The following MAP4K3 variants were observed in gnomAD, a reference collection of about 807,000 sequenced individuals.
MAP4K3 encodes the protein mitogen-activated protein kinase kinase kinase kinase 3, also known as MAPK/ERK kinase kinase kinase 3.
A neutral mutation model predicts 143.5 loss-of-function variants in MAP4K3; 94 were observed. That is an observed-to-expected ratio of 0.65 (90% CI 0.55 to 0.78). The LOEUF (loss-of-function observed/expected upper bound fraction) is 0.78, where lower values mean the gene tolerates loss of function less well. Ranked by LOEUF, MAP4K3 falls within the 30% of genes least tolerant of loss-of-function variation. The pLI is 0.00. For synonymous variants in MAP4K3, 416 were observed against 347.2 expected, an observed-to-expected ratio of 1.20 and a Z score of -2.20; for missense variants, 1,077 against 1,068.1, an observed-to-expected ratio of 1.01 and a Z score of -0.12.
intron 1 of MAP4K3, among the ~76,000 whole-genome samples, chr2:39,397,610 G>A (rs1358297261): frequency 6.6e-6 from 1 of 152,086 alleles, no homozygotes; most frequent in Non-Finnish European, 1.5e-5. Context: ...GAACTAGAAA[G>A]GCTGATTCTA....
rs888545294 is a variant in MAP4K3, at chr2:39,250,413, T to A, written c.*205A>T. The A allele has an allele frequency of 5.8e-5, 29 of 503,304 alleles. No homozygotes were observed. Among genetic ancestry groups the A allele is most frequent in the Non-Finnish European group, 1.8e-5 (5 of 283,052 alleles). 31.2% of individuals were successfully genotyped at this position (503,304 alleles called of 1,614,324 possible). A position where few individuals can be genotyped will look rare whatever the true frequency, so the allele number is the denominator to read the frequency against. Reference sequence around the variant, plus strand: ...TATATGTACAAAGATTACATAACAATGAATTAAGCACTTGTGTGGTTCAAT... The same window carrying A: ...TATATGTACAAAGATTACATAACAAAGAATTAAGCACTTGTGTGGTTCAAT... On this transcript the variant is annotated 3_prime_UTR_variant, in exon 34 of 34. Coordinates refer to ENST00000263881, the MANE Select transcript of MAP4K3 (RefSeq NM_003618.4).
At chr2:39,418,155 G>A (rs1175304353) in intron 1 of MAP4K3, among the ~76,000 whole-genome samples, 1 of 148,084 alleles carries the variant, frequency 6.8e-6, no homozygotes, top group East Asian at 2.0e-4. Flanking sequence ...AGTGAGCAGA[G>A]ACTGCACCAC....
chr2:39,408,808 A>G (rs1667162476), intron 1 of MAP4K3, among the ~76,000 whole-genome samples: 1 of 152,166 alleles, frequency 6.6e-6, no homozygotes, highest in Admixed American at 6.5e-5. Flanking sequence ...GAAGACAAAG[A>G]AGAAGCAGTG....
intron 12 of MAP4K3, among the ~76,000 whole-genome samples, chr2:39,322,876 G>C (rs929571232): frequency 6.6e-6 from 1 of 151,964 alleles, no homozygotes; most frequent in Non-Finnish European, 1.5e-5. Flanking sequence ...CACCATGTTA[G>C]CCAAGCTGGT....
chr2:39,352,972 AC>A (rs1665501857), intron 3 of MAP4K3, among the ~76,000 whole-genome samples: 1 of 152,204 alleles, frequency 6.6e-6, no homozygotes, highest in South Asian at 2.1e-4. Flanking sequence ...TCAAGTTCAA[AC>A]AAGATCCTCC....
intron 1 of MAP4K3, among the ~76,000 whole-genome samples, chr2:39,415,801 A>G (rs944740173): frequency 6.7e-6 from 1 of 150,176 alleles, no homozygotes; most frequent in African/African-American, 2.5e-5. Context: ...AAAATACAAA[A>G]TATTAGCCAG....
At chr2:39,288,598 T>C (rs1192714143) in intron 19 of MAP4K3, among the ~76,000 whole-genome samples, 1 of 152,154 alleles carries the variant, frequency 6.6e-6, no homozygotes, top group Non-Finnish European at 1.5e-5. Context: ...GTCTTTCTTA[T>C]CTCCTTCAAT....
chr2:39,267,637 C>T (rs1680820675), intron 26 of MAP4K3, among the ~76,000 whole-genome samples: 2 of 147,958 alleles, frequency 1.4e-5, no homozygotes, highest in African/African-American at 5.0e-5. Flanking sequence ...CACACCATTG[C>T]ACTCCAGCCT....
At chr2:39,427,775 T>C (rs532455552) in intron 1 of MAP4K3, among the ~76,000 whole-genome samples, 1 of 152,326 alleles carries the variant, frequency 6.6e-6, no homozygotes, top group African/African-American at 2.4e-5. Flanking sequence ...AGAGTGGCCC[T>C]AATGAATTTG....
intron 19 of MAP4K3, 121 bp downstream of exon 19, chr2:39,290,171 T>C (rs1039357645): frequency 1.4e-5 from 9 of 628,288 alleles, no homozygotes; most frequent in Non-Finnish European, 2.4e-5. Flanking sequence ...CATTTACTTA[T>C]ATCAACTTCA....
chr2:39,426,050 T>C lies in MAP4K3; in HGVS notation c.96+10842A>G, dbSNP rs543851024. ...ACTTATTAATTAGAAAAGGAAGAGATAATCTGATAGTGAAGAAACTTGGCA... is the reference window on the plus strand; with the variant it reads ...ACTTATTAATTAGAAAAGGAAGAGACAATCTGATAGTGAAGAAACTTGGCA... On this transcript the variant is annotated intron_variant, in intron 1 of 33. Coordinates refer to ENST00000263881, the MANE Select transcript of MAP4K3 (RefSeq NM_003618.4). 2.6e-5 allele frequency among the ~76,000 whole-genome samples: 4 copies of C among 152,280 alleles called. No individual in the cohort carries two copies. In the South Asian group the frequency reaches 8.3e-4, roughly 32 times the overall value.
chr2:39,435,682 AG>A (rs1226553321), intron 1 of MAP4K3, among the ~76,000 whole-genome samples: 1 of 152,240 alleles, frequency 6.6e-6, no homozygotes. Flanking sequence ...AGAAACACTT[AG>A]GAAGATTTGG....
chr2:39,347,194 T>G (rs1425251856), intron 3 of MAP4K3, among the ~76,000 whole-genome samples: 1 of 152,236 alleles, frequency 6.6e-6, no homozygotes, highest in Non-Finnish European at 1.5e-5. Flanking sequence ...TGTTGTATTC[T>G]TGAGTTTTAA....
intron 1 of MAP4K3, among the ~76,000 whole-genome samples, chr2:39,417,215 CTTTTTT>C (rs1243263619): frequency 7.5e-6 from 1 of 133,806 alleles, no homozygotes; most frequent in Non-Finnish European, 1.6e-5. Context: ...GGTTTCTTTT[CTTTTTT>C]TTTTTTTTTT....
rs930209010 is a variant in MAP4K3 at position 39,437,007 on chromosome 2, C to G, written c.-20G>C. ...GTTCATGGCGGGCCCCAGGTGCCCCCCGCCTCCCTCCCGGGCAGGGGAGGG... is the reference window on the plus strand; with the variant it reads ...GTTCATGGCGGGCCCCAGGTGCCCCGCGCCTCCCTCCCGGGCAGGGGAGGG... On this transcript the variant is annotated 5_prime_UTR_variant, in exon 1 of 34. Transcript: ENST00000263881. 3 of 1,601,820 alleles carry G rather than the reference C, an allele frequency of 1.9e-6. No homozygotes were observed. In the South Asian group the frequency reaches 3.3e-5, roughly 18 times the overall value.
chr2:39,332,251 T>C (rs566137262), intron 7 of MAP4K3, among the ~76,000 whole-genome samples: 1 of 152,162 alleles, frequency 6.6e-6, no homozygotes, highest in South Asian at 2.1e-4. Context: ...TCAAATAATT[T>C]TGAAGAGAAA....
intron 33 of MAP4K3, among the ~76,000 whole-genome samples, chr2:39,250,925 T>A (rs546701368): frequency 6.6e-6 from 1 of 152,310 alleles, no homozygotes; most frequent in Non-Finnish European, 1.5e-5. Context: ...AGTGTTCTTC[T>A]AAGAGTCAGA....
At chr2:39,321,965 A>T (rs1683323902) in intron 12 of MAP4K3, among the ~76,000 whole-genome samples, 1 of 152,212 alleles carries the variant, frequency 6.6e-6, no homozygotes, top group Non-Finnish European at 1.5e-5. Context: ...ATAAATACTA[A>T]GGGAACTCAG....
rs374367251 is a variant in MAP4K3, at chr2:39,286,836, G to A, written c.1587+16C>T. The A allele has an allele frequency of 4.6e-5, 69 of 1,509,176 alleles. 1 individual carries two copies. The highest frequency in any genetic ancestry group is 5.4e-5 in the Non-Finnish European group (60 of 1,106,084). 93.5% of individuals were successfully genotyped at this position (1,509,176 alleles called of 1,614,324 possible). A position where few individuals can be genotyped will look rare whatever the true frequency, so the allele number is the denominator to read the frequency against. On this transcript the variant is annotated intron_variant, in intron 21 of 33. Transcript: ENST00000263881. ...GGAAACAAATACAAGTAGAACTTAT[G>A]ACTATCAATACCTACTGGTACATCT...
Sources: gnomAD v4.1 joint callset for allele counts (sites outside exome capture counted in the v4.1 genomes callset) on GRCh38, gnomAD v4.1.1 for gene constraint, MANE v1.5 for transcripts, NCBI Gene and HGNC (gene_info 2026-07-23, HGNC 2026-07-21) for gene names.